JMJD1C: variants seen among roughly 807,000 people sequenced by gnomAD.
JMJD1C encodes the protein jumonji domain-containing protein 1C.
Under a neutral mutation model 245.3 loss-of-function variants are expected in JMJD1C, and 31 were observed. The ratio of observed to expected loss-of-function variants is 0.13; its 90% confidence interval spans 0.09 to 0.17. The LOEUF is 0.17. JMJD1C is among the 10% of genes least tolerant of loss of function. The pLI, the probability that JMJD1C is intolerant of heterozygous loss-of-function variation, is 1.00. For synonymous variants in JMJD1C, 1,057 were observed against 1,017.4 expected, an observed-to-expected ratio of 1.04 and a Z score of -0.74; for missense variants, 2,691 against 3,000.2, an observed-to-expected ratio of 0.90 and a Z score of 2.41.
At chr10:63,318,431 T>C (rs1589463036) in intron 2 of JMJD1C, among the ~76,000 whole-genome samples, 1 of 152,328 alleles carries the variant, frequency 6.6e-6, no homozygotes, top group East Asian at 1.9e-4. Context: ...TTTTATATTT[T>C]ACATTTCTCT....
Position 63,508,509 on chromosome 10 carries a change from C to A in JMJD1C, n.113+13229G>T, listed in dbSNP as rs563468501. Among the ~76,000 whole-genome samples the A allele has an allele frequency of 7.2e-5, 11 of 152,278 alleles. No homozygotes were observed. The East Asian group carries it at 2.1e-3, about 29-fold the overall frequency. On this transcript the variant is annotated intron_variant and non_coding_transcript_variant, in intron 1 of 3. Coordinates refer to the JMJD1C transcript ENST00000633035. ...AACTTTAGGATCAGTTTCTTGATAG[C>A]CACAAAGTAACTTAGTGGGATTTTG... is the stretch of plus-strand genomic sequence containing the variant.
intron 1 of JMJD1C, among the ~76,000 whole-genome samples, chr10:63,387,353 A>G (rs1947688520): frequency 6.6e-6 from 1 of 152,140 alleles, no homozygotes; most frequent in Admixed American, 6.5e-5. Flanking sequence ...AATTTATAAA[A>G]TCTTGGAATT....
At chr10:63,356,673 A>G (rs1421901938) in intron 2 of JMJD1C, among the ~76,000 whole-genome samples, 3 of 152,206 alleles carry the variant, frequency 2.0e-5, no homozygotes, top group Non-Finnish European at 2.9e-5. Flanking sequence ...TTAGTTTAAA[A>G]CAACACTTTT....
intron 2 of JMJD1C, among the ~76,000 whole-genome samples, chr10:63,281,520 G>C: frequency 7.2e-6 from 1 of 137,968 alleles, no homozygotes; most frequent in South Asian, 2.4e-4. Context: ...GCCCAGGCTG[G>C]AGTGTAGTGG....
intron 1 of JMJD1C, among the ~76,000 whole-genome samples, chr10:63,433,569 C>CTCTTT (rs71463522): frequency 1.2e-4 from 16 of 138,716 alleles, no homozygotes; most frequent in Non-Finnish European, 1.7e-4. Context: ...AAACAATGTA[C>CTCTTT]TCTTTTCTTT....
At chr10:63,230,206 T>C (rs1209750324) in intron 3 of JMJD1C, among the ~76,000 whole-genome samples, 2 of 152,124 alleles carry the variant, frequency 1.3e-5, no homozygotes, top group African/African-American at 4.8e-5. Context: ...ACCCTGTCTC[T>C]ATTACAAATA....
intron 1 of JMJD1C, among the ~76,000 whole-genome samples, chr10:63,497,047 T>C (rs2133236183): frequency 6.6e-6 from 1 of 152,290 alleles, no homozygotes; most frequent in South Asian, 2.1e-4. Flanking sequence ...TAGTGCAGCA[T>C]AACCTGGCAA....
At chr10:63,290,520 C>T (rs775811684) in intron 2 of JMJD1C, among the ~76,000 whole-genome samples, 5 of 152,078 alleles carry the variant, frequency 3.3e-5, no homozygotes, top group Non-Finnish European at 5.9e-5. Context: ...AAGATCGCAC[C>T]ACTGCACTCC....
At chr10:63,434,160 C>T in intron 1 of JMJD1C, among the ~76,000 whole-genome samples, 1 of 152,176 alleles carries the variant, frequency 6.6e-6, no homozygotes, top group Non-Finnish European at 1.5e-5. Flanking sequence ...CCAACATGTA[C>T]ATTTTATTTA....
At chr10:63,223,904 C>T (rs1000631754) in intron 3 of JMJD1C, among the ~76,000 whole-genome samples, 4 of 152,020 alleles carry the variant, frequency 2.6e-5, no homozygotes, top group African/African-American at 7.2e-5. Flanking sequence ...CAGGTGCCCA[C>T]CACCAAGCCC....
chr10:63,390,375 A>G (rs570604757), intron 1 of JMJD1C, among the ~76,000 whole-genome samples: 1 of 152,284 alleles, frequency 6.6e-6, no homozygotes, highest in African/African-American at 2.4e-5. Flanking sequence ...AATGAGGTAA[A>G]ATTAGTAGTA....
intron 2 of JMJD1C, among the ~76,000 whole-genome samples, chr10:63,304,733 G>C (rs1937770844): frequency 6.6e-6 from 1 of 152,100 alleles, no homozygotes; most frequent in South Asian, 2.1e-4. Flanking sequence ...GATGGCAATT[G>C]CTTTTACTCT....
At position 63,319,883 on chromosome 10, in the gene JMJD1C, C is replaced by A. The variant is rs148294858; in HGVS notation, c.334-55119G>T. 2.4e-3 allele frequency among the ~76,000 whole-genome samples: 363 copies of A among 152,284 alleles called. 2 individuals are homozygous for A. The South Asian group carries it at 0.029, about 12-fold the overall frequency. ...GGTTCAAGCAATTCTCCTGCCTCAG[C>A]CTCCTGGGTAGCTGGGATTACAGGC... On this transcript the variant is annotated intron_variant, in intron 2 of 25. Transcript: ENST00000399262.
chr10:63,302,969 G>C (rs769778966), intron 2 of JMJD1C, among the ~76,000 whole-genome samples: 5 of 152,016 alleles, frequency 3.3e-5, no homozygotes, highest in Non-Finnish European at 7.4e-5. Flanking sequence ...CTGTAACCTC[G>C]AACTCTTGGG....
chr10:63,183,772 CTA>C (rs1248647383), intron 21 of JMJD1C, among the ~76,000 whole-genome samples: 4 of 151,988 alleles, frequency 2.6e-5, no homozygotes, highest in African/African-American at 9.7e-5. Flanking sequence ...ATAAAATGTA[CTA>C]TGATTAAAAA....
At chr10:63,446,382 T>C (rs1228366859) in intron 1 of JMJD1C, among the ~76,000 whole-genome samples, 3 of 152,172 alleles carry the variant, frequency 2.0e-5, no homozygotes, top group Non-Finnish European at 2.9e-5. Flanking sequence ...AGATGCCTAT[T>C]AGACATCCAA....
rs370845280 is a variant in JMJD1C at position 63,380,402 on chromosome 10, C to T, written c.249G>A (p.Val83=). ...KVYEDFSTFL[V]EYHLIWAKRN... ...TTTTGGCCCAGATTAAGTGGTATTC[C>T]ACCAAGAAAGTTGAAAAATCTTCAT... Residue 83 remains valine, a synonymous_variant, in exon 2 of 26, where the codon GTG becomes GTA. Transcript: ENST00000399262. 9.9e-6 allele frequency: 16 copies of T among 1,613,824 alleles called. No homozygotes were observed. In the African/African-American group the frequency reaches 2.0e-4, roughly 20 times the overall value.
At chr10:63,278,117 C>G (rs949053450) in intron 2 of JMJD1C, among the ~76,000 whole-genome samples, 12 of 151,916 alleles carry the variant, frequency 7.9e-5, no homozygotes, top group Non-Finnish European at 1.3e-4. Context: ...AAACTTTTAT[C>G]AAGACAACCT....
chr10:63,380,248 T>C (rs1947108255), intron 2 of JMJD1C, 70 bp downstream of exon 2: 1 of 1,535,576 alleles, frequency 6.5e-7, no homozygotes, highest in African/African-American at 1.4e-5. Context: ...CTGGCCTTTG[T>C]TTTGTTGTTG....
Sources: allele counts gnomAD v4.1 joint callset (sites outside exome capture counted in the v4.1 genomes callset), GRCh38; gene constraint gnomAD v4.1.1; transcripts MANE v1.5; gene names NCBI Gene and HGNC (gene_info 2026-07-23, HGNC 2026-07-21).